Variants in COL6A6 observed in about 807,000 individuals in gnomAD.
COL6A6 encodes the protein collagen alpha-6(VI) chain.
Under a neutral mutation model 208.6 loss-of-function variants are expected in COL6A6, and 183 were observed. The ratio of observed to expected loss-of-function variants is 0.88; its 90% CI spans 0.78 to 0.99. The LOEUF (loss-of-function observed/expected upper bound fraction) is 0.99, where lower values mean the gene tolerates loss of function less well. Among genes scored for constraint, COL6A6 ranks in the 50% least tolerant of loss-of-function variants. The pLI is 0.00. For missense variants in COL6A6, 2,816 were observed against 2,815.2 expected, an observed-to-expected ratio of 1.00 and a Z score of -0.01; for synonymous variants, 973 against 1,011.8, an observed-to-expected ratio of 0.96 and a Z score of 0.73.
intron 1 of COL6A6, among the ~76,000 whole-genome samples, chr3:130,522,511 A>C (rs957491364): frequency 2.6e-5 from 4 of 152,194 alleles, no homozygotes; most frequent in Admixed American, 2.6e-4. Flanking sequence ...TATCCCCTCC[A>C]CAGGTTGGGT....
At chr3:130,600,218 G>C (rs2063973080) in intron 20 of COL6A6, among the ~76,000 whole-genome samples, 1 of 152,202 alleles carries the variant, frequency 6.6e-6, no homozygotes, top group African/African-American at 2.4e-5. Flanking sequence ...AGAAACAATA[G>C]ATGCTTGTGA....
rs763107109 is a variant in COL6A6, at chr3:130,649,241, C to T, written c.5412C>T (p.Ser1804=). The part of the protein sequence containing the change: ...CPVGAHIAIL[S]YNSHARHLVR... The stretch of plus-strand genomic sequence containing the variant: ...TGGGAGCGCACATCGCCATCCTCTC[C>T]TATAACTCCCACGCCAGGCACCTTG... Residue 1804 remains serine (S), a synonymous_variant, in exon 33 of 37, where the codon TCC becomes TCT. Coordinates refer to ENST00000358511, the MANE Select transcript of COL6A6 (RefSeq NM_001102608.3). 5.6e-6 allele frequency: 9 copies of T among 1,593,920 alleles called. No individual in the cohort carries two copies. The highest frequency in any genetic ancestry group is 1.1e-5 in the South Asian group (1 of 87,478).
intron 24 of COL6A6, 25 bp downstream of exon 24, chr3:130,621,908 C>A (rs377671773): frequency 5.8e-5 from 92 of 1,595,286 alleles, no homozygotes; most frequent in Non-Finnish European, 7.9e-5. Context: ...TTATACTCAC[C>A]AAAGTTGAGG....
chr3:130,627,503 T>C, intron 26 of COL6A6, 134 bp downstream of exon 26: 2 of 714,404 alleles, frequency 2.8e-6, no homozygotes, highest in Non-Finnish European at 5.0e-6. Context: ...TTCAGTAATT[T>C]ATTTGCTGCT....
chr3:130,540,221 C>T (rs1368596831), intron 1 of COL6A6, among the ~76,000 whole-genome samples: 1 of 152,126 alleles, frequency 6.6e-6, no homozygotes, highest in Non-Finnish European at 1.5e-5. Context: ...CACAGCAAAA[C>T]GGAGCTGAAG....
intron 36 of COL6A6, among the ~76,000 whole-genome samples, chr3:130,666,531 T>C (rs1371591082): frequency 1.3e-5 from 2 of 152,134 alleles, no homozygotes; most frequent in East Asian, 1.9e-4. Flanking sequence ...TTGGAGAATA[T>C]AGGTGAAAGA....
rs1448568322 is a variant in COL6A6 at position 130,589,016 on chromosome 3, G to T, written c.4126-74G>T. 14 of 1,095,346 alleles carry T rather than the reference G, an allele frequency of 1.3e-5. No homozygotes were observed. The East Asian group carries it at 2.0e-4, about 16-fold the overall frequency. The allele number at this position is 1,095,346 out of a possible 1,614,324, so 67.9% of individuals were successfully genotyped here. On this transcript the variant is annotated intron_variant, in intron 11 of 36. Coordinates refer to ENST00000358511, the MANE Select transcript of COL6A6 (RefSeq NM_001102608.3). Reference sequence around the variant, plus strand: ...TGAAACTGTGGTAGAAGTCTGGATCGCATGGTTGAACTTGTATATGAGATT... The same window carrying T: ...TGAAACTGTGGTAGAAGTCTGGATCTCATGGTTGAACTTGTATATGAGATT...
At chr3:130,597,446 A>G (rs1299037915) in intron 18 of COL6A6, among the ~76,000 whole-genome samples, 1 of 152,228 alleles carries the variant, frequency 6.6e-6, no homozygotes, top group East Asian at 1.9e-4. Context: ...AGTATCTGGA[A>G]CAATGATATG....
At position 130,581,661 on chromosome 3, in the gene COL6A6, C is replaced by T. The variant is rs1442864280; in HGVS notation, c.3648C>T (p.Asp1216=). The T allele has an allele frequency of 1.9e-6, 3 of 1,613,852 alleles. No homozygotes were observed. In the African/African-American group the frequency reaches 4.0e-5, roughly 22 times the overall value. ...GQPWMETYLQ[D]ILRAISSLNG... ...CTTGGATGGAAACCTACCTTCAAGA[C>T]ATCTTACGTGCCATCAGCTCCCTCA... Residue 1216 remains aspartate, a synonymous_variant, in exon 9 of 37, where the codon GAC becomes GAT. Transcript: ENST00000358511.
rs768525819 is a variant in COL6A6, at chr3:130,574,343, C to T, written c.3365C>T (p.Ala1122Val). The change falls in exon 8 of 37, where the codon GCG (alanine) becomes GTG (valine). Residue 1122 changes from alanine to valine, a missense_variant. Transcript: ENST00000358511. ...GQSQDEVAQA[A>V]EALRHRGIDI... ...TCCCAAGACGAGGTGGCCCAGGCCG[C>T]GGAAGCCCTGAGACACAGAGGTATC... The T allele has an allele frequency of 3.3e-5, 54 of 1,613,882 alleles. No individual in the cohort carries two copies. The highest frequency in any genetic ancestry group is 5.3e-5 in the African/African-American group (4 of 74,922).
At chr3:130,638,168 A>G (rs1470967086) in intron 28 of COL6A6, among the ~76,000 whole-genome samples, 1 of 150,926 alleles carries the variant, frequency 6.6e-6, no homozygotes, top group Non-Finnish European at 1.5e-5. Flanking sequence ...CCCCTCACTC[A>G]CTCCCATTTC....
intron 8 of COL6A6, among the ~76,000 whole-genome samples, chr3:130,576,690 A>C (rs560649631): frequency 6.6e-6 from 1 of 152,238 alleles, no homozygotes; most frequent in Non-Finnish European, 1.5e-5. Context: ...AAAATACTCT[A>C]TATTAAGATA....
At position 130,648,617 on chromosome 3, in the gene COL6A6, C is replaced by T. The variant is rs566769714; in HGVS notation, c.5240-452C>T. Among the ~76,000 whole-genome samples, 43 of 152,310 alleles carry T rather than the reference C, an allele frequency of 2.8e-4. No individual in the cohort carries two copies. In the East Asian group the frequency reaches 7.9e-3, roughly 28 times the overall value. On this transcript the variant is annotated intron_variant, in intron 32 of 36. Coordinates refer to ENST00000358511, the MANE Select transcript of COL6A6 (RefSeq NM_001102608.3). ...CTCTGTAAATTATGTCAGTTTTCTT[C>T]CAATTTTTCTAAAATTATCAGAGCT... is the stretch of plus-strand genomic sequence containing the variant.
chr3:130,539,902 A>AT (rs1361957386), intron 1 of COL6A6, among the ~76,000 whole-genome samples: 20 of 152,316 alleles, frequency 1.3e-4, no homozygotes, highest in African/African-American at 4.1e-4. Flanking sequence ...AATTCTAAAA[A>AT]TTTTGAGTTT....
Position 130,662,116 on chromosome 3 carries a change from G to C in COL6A6, c.6310G>C (p.Glu2104Gln). 1 of 1,614,002 alleles carries C rather than the reference G, an allele frequency of 6.2e-7. No individual in the cohort carries two copies. Among genetic ancestry groups the C allele is most frequent in the Non-Finnish European group, 8.5e-7 (1 of 1,179,878 alleles). ...CTTAGATGGGGAAATCTTAAAGAAG[G>C]AATCCTTGCGAGCCAAATGTCAGGG... ...SHLDGEILKK[E>Q]SLRAKCQGYA... is the part of the protein sequence containing the mutation. Residue 2104 changes from glutamate (E) to glutamine (Q), a missense_variant, in exon 35 of 37, where the codon GAA becomes CAA. Transcript: ENST00000358511.
chr3:130,568,101 T>C lies in COL6A6; in HGVS notation c.1898T>C (p.Ile633Thr). The part of the protein sequence containing the change: ...IMFLVDSSGS[I>T]GPENFSKMKT... ...TTTCTGGTGGACAGTTCTGGAAGTA[T>C]AGGACCTGAAAACTTCAGCAAAATG... Residue 633 changes from isoleucine to threonine, a missense_variant, in exon 6 of 37, where the codon ATA becomes ACA. Physicochemically the swap from Ile to Thr is moderately conservative, Grantham distance 89. Coordinates refer to ENST00000358511, the MANE Select transcript of COL6A6 (RefSeq NM_001102608.3). 3.7e-6 allele frequency: 6 copies of C among 1,613,978 alleles called. No homozygotes were observed. Among genetic ancestry groups the C allele is most frequent in the Non-Finnish European group, 5.1e-6 (6 of 1,179,878 alleles).
chr3:130,662,596 G>A (rs564527174), intron 35 of COL6A6, among the ~76,000 whole-genome samples: 6 of 152,156 alleles, frequency 3.9e-5, no homozygotes, highest in African/African-American at 9.6e-5. Flanking sequence ...AGTGCAGTCC[G>A]GGGGTGTGAA....
In COL6A6 at chr3:130,560,401, T is replaced by C. The variant is rs1230933101; in HGVS notation, c.37T>C (p.Ser13Pro). The change falls in exon 2 of 37, where the codon TCC becomes CCC. Residue 13 changes from serine to proline, a missense_variant. Coordinates refer to ENST00000358511, the MANE Select transcript of COL6A6 (RefSeq NM_001102608.3). The stretch of plus-strand genomic sequence containing the variant: ...AATTTTGTTCCTCGTGATAATTTGT[T>C]CCCATATTTCTGTGAACCAAGATTC... ...LLILFLVIIC[S>P]HISVNQDSGP... The C allele has an allele frequency of 6.2e-7, 1 of 1,612,048 alleles. No homozygotes were observed. The highest frequency in any genetic ancestry group is 8.5e-7 in the Non-Finnish European group (1 of 1,179,216).
At chr3:130,622,043 T>G (rs893821507) in intron 24 of COL6A6, among the ~76,000 whole-genome samples, 160 bp downstream of exon 24, 1 of 152,096 alleles carries the variant, frequency 6.6e-6, no homozygotes, top group African/African-American at 2.4e-5. Context: ...TCTAAGGACA[T>G]GGGTGTGGAC....
Sources: allele counts gnomAD v4.1 joint callset (sites outside exome capture counted in the v4.1 genomes callset), GRCh38; gene constraint gnomAD v4.1.1; transcripts MANE v1.5; gene names NCBI Gene and HGNC (gene_info 2026-07-23, HGNC 2026-07-21).